Variants in CAPRIN1 observed in about 807,000 individuals in gnomAD.
CAPRIN1 encodes caprin-1.
A neutral mutation model predicts 100.9 loss-of-function variants in CAPRIN1; 29 were observed. The ratio of observed to expected loss-of-function variants is 0.29; its 90% CI spans 0.21 to 0.39. The LOEUF is 0.39. CAPRIN1 is among the 10% of genes least tolerant of loss of function. The probability of loss-of-function intolerance (pLI) is 1.00; values close to 1 mark genes in which losing one functional copy is unlikely to be tolerated. For synonymous variants in CAPRIN1, 338 were observed against 307.5 expected, an observed-to-expected ratio of 1.10 and a Z score of -1.04; for missense variants, 795 against 876.7, an observed-to-expected ratio of 0.91 and a Z score of 1.18.
At chr11:34,066,243 A>G (rs140355811) in intron 2 of CAPRIN1, among the ~76,000 whole-genome samples, 319 of 152,256 alleles carry the variant, frequency 2.1e-3, no homozygotes, top group African/African-American at 7.2e-3. Flanking sequence ...TGGCCTGTCA[A>G]AGTGCTAAAG....
chr11:34,089,259 ACACTCCCCCCCCC>A lies in CAPRIN1; in HGVS notation c.1232-134_1232-122del, dbSNP rs1282713497. Reference sequence around the variant, plus strand: ...ACTCCAGCCTGGGTGACAGAGTGAGACACTCCCCCCCCCCCCCCCCCCGCAAAAAAAAAAAAAA... The same window carrying A: ...ACTCCAGCCTGGGTGACAGAGTGAGACCCCCCCCCGCAAAAAAAAAAAAAA... On this transcript the variant is annotated intron_variant, in intron 11 of 18. Coordinates refer to ENST00000341394, the MANE Select transcript of CAPRIN1 (RefSeq NM_005898.5). The A allele has an allele frequency of 4.6e-4, 28 of 61,084 alleles. 3 individuals carry two copies. The highest frequency in any genetic ancestry group is 6.9e-4 in the African/African-American group (1 of 1,448). 3.8% of individuals were successfully genotyped at this position (61,084 alleles called of 1,614,324 possible). A position where few individuals can be genotyped will look rare whatever the true frequency, so the allele number is the denominator to read the frequency against.
At chr11:34,070,429 C>T (rs758868782) in intron 2 of CAPRIN1, among the ~76,000 whole-genome samples, 2 of 152,188 alleles carry the variant, frequency 1.3e-5, no homozygotes, top group African/African-American at 2.4e-5. Context: ...CAGCATCTCA[C>T]GCTGTCGCCT....
intron 4 of CAPRIN1, among the ~76,000 whole-genome samples, chr11:34,075,073 A>G (rs1590732434): frequency 6.6e-6 from 1 of 151,660 alleles, no homozygotes; most frequent in East Asian, 1.9e-4. Flanking sequence ...TTCTTGAGAC[A>G]GTCTCACTGT....
rs1851456844 is a variant in CAPRIN1, at chr11:34,101,669, C to T, written c.*2302C>T. Reference sequence around the variant, plus strand: ...TAAATGTATATCTTTTATGTCTCTACTCAGACCATATTTTTAAAGGGGTGC... The same window carrying T: ...TAAATGTATATCTTTTATGTCTCTATTCAGACCATATTTTTAAAGGGGTGC... On this transcript the variant is annotated 3_prime_UTR_variant, in exon 19 of 19. Coordinates refer to ENST00000341394, the MANE Select transcript of CAPRIN1 (RefSeq NM_005898.5). Among the ~76,000 whole-genome samples the T allele has an allele frequency of 1.3e-5, 2 of 152,138 alleles. No homozygotes were observed. Among genetic ancestry groups the T allele is most frequent in the Admixed American group, 1.3e-4 (2 of 15,288 alleles).
chr11:34,092,195 G>T (rs1331855627), intron 15 of CAPRIN1, 139 bp downstream of exon 15: 2 of 769,846 alleles, frequency 2.6e-6, no homozygotes. Context: ...TTTCATTTCA[G>T]ATCATGAGTT....
At position 34,052,362 on chromosome 11, in the gene CAPRIN1, C is replaced by T. The variant is rs533244463; in HGVS notation, c.1-59C>T. The T allele has an allele frequency of 1.5e-4, 215 of 1,415,484 alleles. 5 individuals carry two copies. The South Asian group carries it at 2.5e-3, about 16-fold the overall frequency. The allele number at this position is 1,415,484 out of a possible 1,614,324, so 87.7% of individuals were successfully genotyped here. A position where few individuals can be genotyped will look rare whatever the true frequency, so the allele number is the denominator to read the frequency against. ...TCCCGCGTCTCGCCCCGTCCGTCTC[C>T]TGACTGGCCGCTCTTGTCCTTCCTC... is the stretch of plus-strand genomic sequence containing the variant. On this transcript the variant is annotated intron_variant, in intron 1 of 18. Transcript: ENST00000341394.
intron 6 of CAPRIN1, among the ~76,000 whole-genome samples, chr11:34,077,718 A>T (rs904060666): frequency 1.3e-5 from 2 of 152,210 alleles, no homozygotes; most frequent in African/African-American, 4.8e-5. Context: ...TATAAGCTTT[A>T]ATCACCAAAA....
intron 15 of CAPRIN1, among the ~76,000 whole-genome samples, chr11:34,094,758 C>T (rs1851335226): frequency 6.6e-6 from 1 of 152,260 alleles, no homozygotes; most frequent in African/African-American, 2.4e-5. Context: ...GATTATTTGA[C>T]TGAACTCCAA....
At chr11:34,079,819 T>G (rs1420375245) in intron 7 of CAPRIN1, 54 bp downstream of exon 7, 1 of 1,542,658 alleles carries the variant, frequency 6.5e-7, no homozygotes, top group African/African-American at 1.4e-5. Flanking sequence ...TTATTTGATT[T>G]TGCTACAAAT....
intron 6 of CAPRIN1, among the ~76,000 whole-genome samples, chr11:34,077,667 A>G (rs926569645): frequency 1.3e-5 from 2 of 152,062 alleles, no homozygotes; most frequent in African/African-American, 4.8e-5. Flanking sequence ...ATCTGTATTT[A>G]TGCATTTTTA....
At chr11:34,097,663 AG>A (rs1851393227) in intron 17 of CAPRIN1, 34 bp from the exon 18 acceptor site, 1 of 1,613,020 alleles carries the variant, frequency 6.2e-7, no homozygotes, top group Admixed American at 1.7e-5. Flanking sequence ...TTTTTTAAAA[AG>A]TACCTTTTCA....
At chr11:34,082,767 A>G in intron 7 of CAPRIN1, 58 bp from the exon 8 acceptor site, 1 of 1,198,440 alleles carries the variant, frequency 8.3e-7, no homozygotes, top group Non-Finnish European at 1.2e-6. Flanking sequence ...CACACAGAGT[A>G]GAGTAGTATC....
At position 34,064,171 on chromosome 11, in the gene CAPRIN1, C is replaced by G. The variant is rs1044286969; in HGVS notation, c.217-7555C>G. On this transcript the variant is annotated intron_variant, in intron 2 of 18. Transcript: ENST00000341394. ...GAGTAGCTGACCAATTTATTGTTACCTCTTCTGCTGCTGTTAGCCATGTTC... is the reference window on the plus strand; with the variant it reads ...GAGTAGCTGACCAATTTATTGTTACGTCTTCTGCTGCTGTTAGCCATGTTC... Among the ~76,000 whole-genome samples the G allele has an allele frequency of 2.6e-5, 4 of 152,088 alleles. No homozygotes were observed. The East Asian group carries it at 5.8e-4, about 22-fold the overall frequency.
At chr11:34,059,567 C>T (rs571961132) in intron 2 of CAPRIN1, among the ~76,000 whole-genome samples, 53 of 152,302 alleles carry the variant, frequency 3.5e-4, no homozygotes, top group South Asian at 1.7e-3. Flanking sequence ...TGTTGTTAAC[C>T]TTACATGTTT....
In CAPRIN1 at chr11:34,097,684, A is replaced by G; in HGVS notation, c.2002-14A>G. On this transcript the variant is annotated splice_polypyrimidine_tract_variant and intron_variant, in intron 17 of 18. Coordinates refer to ENST00000341394, the MANE Select transcript of CAPRIN1 (RefSeq NM_005898.5). Reference sequence around the variant, plus strand: ...AAAAAGTACCTTTTCAATACTAACTAGCTTGTCTTTTAGGATGGATATCAG... The same window carrying G: ...AAAAAGTACCTTTTCAATACTAACTGGCTTGTCTTTTAGGATGGATATCAG... The G allele has an allele frequency of 1.2e-6, 2 of 1,614,008 alleles. No individual in the cohort carries two copies. The highest frequency in any genetic ancestry group is 1.3e-5 in the African/African-American group (1 of 75,052).
chr11:34,065,428 A>G (rs1850669715), intron 2 of CAPRIN1, among the ~76,000 whole-genome samples: 1 of 152,252 alleles, frequency 6.6e-6, no homozygotes, highest in Non-Finnish European at 1.5e-5. Flanking sequence ...CTCAATACCA[A>G]CTACAAATTG....
rs761213871 is a variant in CAPRIN1 at position 34,076,571 on chromosome 11, A to G, written c.617A>G (p.Gln206Arg). The G allele has an allele frequency of 4.3e-6, 7 of 1,613,642 alleles. No individual in the cohort carries two copies. The highest frequency in any genetic ancestry group is 5.9e-6 in the Non-Finnish European group (7 of 1,179,668). ...TTTACTATTAAAAGGTTGAATGAAC[A>G]GTATGAACATGCCTCCATTCACCTG... is the stretch of plus-strand genomic sequence containing the variant. Reference protein sequence around the residue: ...ERDMSLRLNEQYEHASIHLWD... With the variant: ...ERDMSLRLNERYEHASIHLWD... The change falls in exon 6 of 19, where the codon CAG becomes CGG. Residue 206 changes from glutamine (Q) to arginine (R), a missense_variant. Around this residue, in one of 3 missense-constraint regions of CAPRIN1, gnomAD observed 648 missense variants for 697.9 expected, o/e 0.93. Coordinates refer to ENST00000341394, the MANE Select transcript of CAPRIN1 (RefSeq NM_005898.5).
chr11:34,056,065 G>A (rs983456680), intron 2 of CAPRIN1, among the ~76,000 whole-genome samples: 20 of 152,142 alleles, frequency 1.3e-4, no homozygotes, highest in Non-Finnish European at 7.4e-5. Context: ...CACTAAAATA[G>A]GATTGCTTTA....
chr11:34,096,862 G>A (rs1238709575), intron 16 of CAPRIN1, among the ~76,000 whole-genome samples, 189 bp downstream of exon 16: 1 of 152,094 alleles, frequency 6.6e-6, no homozygotes, highest in African/African-American at 2.4e-5. Context: ...AACAGATCAT[G>A]GAATTTTTGT....
Sources: gnomAD v4.1 joint callset for allele counts (sites outside exome capture counted in the v4.1 genomes callset) on GRCh38, gnomAD v4.1.1 for gene constraint, gnomAD v4.1.1 regional missense constraint, MANE v1.5 for transcripts, NCBI Gene and HGNC (gene_info 2026-07-23, HGNC 2026-07-21) for gene names.